ANKRD45: variants seen among roughly 807,000 people sequenced by gnomAD.
The protein encoded by ANKRD45 is ankyrin repeat domain 45.
Under a neutral mutation model 28.1 loss-of-function variants are expected in ANKRD45, and 21 were observed. The ratio of observed to expected loss-of-function variants is 0.75; its 90% CI spans 0.53 to 1.08. The LOEUF (loss-of-function observed/expected upper bound fraction) is 1.08. Ranked by LOEUF, ANKRD45 falls within the 50% of genes least tolerant of loss-of-function variation. The pLI, the probability that ANKRD45 is intolerant of heterozygous loss-of-function variation, is 0.00. For missense variants in ANKRD45, 261 were observed against 308.7 expected (o/e 0.85, Z 1.16); for synonymous variants, 86 against 103.9 (o/e 0.83, Z 1.05).
chr1:173,700,493 A>G, the ANKRD45 span, among the ~76,000 whole-genome samples: 2 of 152,352 alleles, frequency 1.3e-5, no homozygotes, highest in South Asian at 4.1e-4. Flanking sequence ...AATGGAACAG[A>G]ACAGAGGCAT....
the ANKRD45 span, among the ~76,000 whole-genome samples, chr1:173,685,525 C>A: frequency 6.6e-6 from 1 of 152,214 alleles, no homozygotes; most frequent in Non-Finnish European, 1.5e-5. Flanking sequence ...ACAAGCATAA[C>A]AATTGCTTTT....
At chr1:173,654,049 CTCTT>C (rs1669376055) in intron 2 of ANKRD45, among the ~76,000 whole-genome samples, 1 of 151,184 alleles carries the variant, frequency 6.6e-6, no homozygotes. Flanking sequence ...TGGGTCTTGA[CTCTT>C]TATCCAATTT....
rs1015847547 is a variant in ANKRD45, at chr1:173,609,555, C to G, written c.*590G>C. On this transcript the variant is annotated 3_prime_UTR_variant, in exon 6 of 6. Coordinates refer to ENST00000333279, the MANE Select transcript of ANKRD45 (RefSeq NM_198493.3). ...TTGCCAGCCTTACAGAATAGGAGAA[C>G]TCTTCTAAGTATAAAACTATACAGA... 1.3e-5 allele frequency: 2 copies of G among 152,256 alleles called. No individual in the cohort carries two copies. Among genetic ancestry groups the G allele is most frequent in the Non-Finnish European group, 2.9e-5 (2 of 68,084 alleles). 9.4% of individuals were successfully genotyped at this position (152,256 alleles called of 1,614,324 possible).
the ANKRD45 span, among the ~76,000 whole-genome samples, chr1:173,701,204 C>G: frequency 0.17 from 25,838 of 152,164 alleles, 2,355 homozygotes; most frequent in Middle Eastern, 0.32. Flanking sequence ...AATTGGAACA[C>G]TTTTACACTG....
At chr1:173,654,393 ATTCTT>A (rs1356264772) in intron 2 of ANKRD45, among the ~76,000 whole-genome samples, 2 of 152,130 alleles carry the variant, frequency 1.3e-5, no homozygotes, top group African/African-American at 4.8e-5. Flanking sequence ...TGGGTTGAAA[ATTCTT>A]TTCTTTAAGA....
chr1:173,636,411 A>C (rs1397924491), intron 3 of ANKRD45, among the ~76,000 whole-genome samples: 1 of 152,216 alleles, frequency 6.6e-6, no homozygotes, highest in Non-Finnish European at 1.5e-5. Context: ...CTTTGATCAA[A>C]AAACAAACAA....
chr1:173,640,204 T>C (rs1267742693), intron 3 of ANKRD45, among the ~76,000 whole-genome samples: 3 of 152,054 alleles, frequency 2.0e-5, no homozygotes, highest in Non-Finnish European at 4.4e-5. Flanking sequence ...TAAGGATCAG[T>C]TCCTGAGCAA....
At chr1:173,680,395 T>C in the ANKRD45 span, among the ~76,000 whole-genome samples, 1 of 152,030 alleles carries the variant, frequency 6.6e-6, no homozygotes, top group Non-Finnish European at 1.5e-5. Context: ...GGCAGGGACA[T>C]GGATGAAGCT....
chr1:173,689,933 C>G, the ANKRD45 span, among the ~76,000 whole-genome samples: 1 of 151,968 alleles, frequency 6.6e-6, no homozygotes, highest in African/African-American at 2.4e-5. Flanking sequence ...TGGACAGTAA[C>G]TCGACCCAAG....
chr1:173,711,827 C>T, the ANKRD45 span, among the ~76,000 whole-genome samples: 1 of 152,174 alleles, frequency 6.6e-6, no homozygotes, highest in African/African-American at 2.4e-5. Context: ...TTGATTCACA[C>T]TGAACTTCTC....
chr1:173,630,818 T>TAAAAAAAA (rs60007196), intron 3 of ANKRD45, among the ~76,000 whole-genome samples: 1 of 29,064 alleles, frequency 3.4e-5, no homozygotes, highest in Admixed American at 5.3e-4. Context: ...AGACTCTGTC[T>TAAAAAAAA]AAAAAAAAAA....
intron 2 of ANKRD45, among the ~76,000 whole-genome samples, chr1:173,651,881 A>C (rs1669243256): frequency 6.6e-6 from 1 of 152,054 alleles, no homozygotes; most frequent in Non-Finnish European, 1.5e-5. Flanking sequence ...TTCATTCATG[A>C]TTTGGCTCTC....
chr1:173,676,720 C>T, the ANKRD45 span, among the ~76,000 whole-genome samples: 2 of 150,706 alleles, frequency 1.3e-5, no homozygotes, highest in Admixed American at 6.7e-5. Context: ...AATTTGTTAC[C>T]TTATGGCACA....
chr1:173,676,437 G>C, the ANKRD45 span, among the ~76,000 whole-genome samples: 2 of 152,184 alleles, frequency 1.3e-5, no homozygotes, highest in East Asian at 1.9e-4. Context: ...AAGTTAAAAA[G>C]ATTACTTTAA....
At position 173,613,615 on chromosome 1, in the gene ANKRD45, C is replaced by T. The variant is rs559709830; in HGVS notation, c.731-3400G>A. Among the ~76,000 whole-genome samples the T allele has an allele frequency of 6.9e-3, 1,016 of 146,564 alleles. 40 individuals are homozygous for T. The highest frequency in any genetic ancestry group is 0.023 in the African/African-American group (875 of 37,918). Reference sequence around the variant, plus strand: ...GGGAGGGAGGTGGGGGGTCAGCCCACGCCCGGCCAGCTGCCCCGTCCGGGA... The same window carrying T: ...GGGAGGGAGGTGGGGGGTCAGCCCATGCCCGGCCAGCTGCCCCGTCCGGGA... On this transcript the variant is annotated intron_variant, in intron 5 of 5. Transcript: ENST00000333279.
At chr1:173,645,508 C>T (rs959778150) in intron 3 of ANKRD45, among the ~76,000 whole-genome samples, 5 of 152,194 alleles carry the variant, frequency 3.3e-5, no homozygotes, top group African/African-American at 7.2e-5. Flanking sequence ...CAGCAATCCA[C>T]AAAAGGTGGG....
In ANKRD45 at chr1:173,659,370, G is replaced by C. The variant is rs150396423; in HGVS notation, c.49C>G (p.Gln17Glu). The change falls in exon 2 of 6, where the codon CAG becomes GAG. Residue 17 changes from glutamine (Q) to glutamate (E), a missense_variant. Gln to Glu is a conservative substitution (Grantham distance 29). Transcript: ENST00000333279. ...PESESSEFFS[Q>E]QEEENEEEEA... ...TCTTCTTCATTTTCCTCTTCTTGCTGTGAGAAAAATTCTGAACTCTCTGAC... is the reference window on the plus strand; with the variant it reads ...TCTTCTTCATTTTCCTCTTCTTGCTCTGAGAAAAATTCTGAACTCTCTGAC... 1.9e-6 allele frequency: 3 copies of C among 1,606,404 alleles called. No individual in the cohort carries two copies. Among genetic ancestry groups the C allele is most frequent in the Non-Finnish European group, 2.5e-6 (3 of 1,177,858 alleles).
At chr1:173,712,138 T>C in the ANKRD45 span, among the ~76,000 whole-genome samples, 1 of 152,156 alleles carries the variant, frequency 6.6e-6, no homozygotes, top group South Asian at 2.1e-4. Flanking sequence ...CTTTCACATA[T>C]GAAAAATGTT....
intron 2 of ANKRD45, among the ~76,000 whole-genome samples, chr1:173,652,649 TG>T (rs1669287214): frequency 6.6e-6 from 1 of 152,204 alleles, no homozygotes; most frequent in Admixed American, 6.5e-5. Flanking sequence ...TTCTATTGAT[TG>T]GAATAGTTTC....
Sources: allele counts gnomAD v4.1 joint callset (sites outside exome capture counted in the v4.1 genomes callset), GRCh38; gene constraint gnomAD v4.1.1; transcripts MANE v1.5; gene names NCBI Gene and HGNC (gene_info 2026-07-23, HGNC 2026-07-21).